LINGO2: variants seen among roughly 807,000 people sequenced by gnomAD.
LINGO2 encodes leucine rich repeat and Ig domain containing 2.
Under a neutral mutation model 30.6 loss-of-function variants are expected in LINGO2, and 14 were observed. The observed-to-expected ratio is 0.46, with a 90% CI of 0.30 to 0.72. The LOEUF is 0.72. Among genes scored for constraint, LINGO2 ranks in the 30% least tolerant of loss-of-function variants. The pLI is 0.07. For synonymous variants in LINGO2, 317 were observed against 288.5 expected, an observed-to-expected ratio of 1.10 and a Z score of -1.00; for missense variants, 729 against 751.7, an observed-to-expected ratio of 0.97 and a Z score of 0.35.
chr9:28,311,032 C>A (rs570632030), intron 3 of LINGO2, among the ~76,000 whole-genome samples: 1 of 152,186 alleles, frequency 6.6e-6, no homozygotes, highest in East Asian at 1.9e-4. Context: ...AGATTCTTTT[C>A]TATTTTCTCT....
At chr9:27,950,144 A>G (rs772593787) in exon 6 of LINGO2, 2 of 1,614,086 alleles carry the variant, frequency 1.2e-6, no homozygotes, top group Non-Finnish European at 1.7e-6. Context: ...CCAAGCTAAG[A>G]AGCCCACTGA....
the LINGO2 span, among the ~76,000 whole-genome samples, chr9:28,866,936 C>G: frequency 7.4e-4 from 112 of 152,276 alleles, no homozygotes; most frequent in African/African-American, 2.4e-3. Flanking sequence ...TTTCTAGATT[C>G]ATCCTTATTT....
At chr9:28,063,251 G>C (rs1454054512) in intron 4 of LINGO2, among the ~76,000 whole-genome samples, 2 of 152,012 alleles carry the variant, frequency 1.3e-5, no homozygotes, top group East Asian at 1.9e-4. Flanking sequence ...TTGCTTTTAA[G>C]CCTTACGAAG....
the LINGO2 span, among the ~76,000 whole-genome samples, chr9:29,146,653 T>A: frequency 6.6e-6 from 1 of 152,178 alleles, no homozygotes; most frequent in Non-Finnish European, 1.5e-5. Flanking sequence ...GAAAGGAATA[T>A]ATTTGTTTAT....
At chr9:28,485,639 C>A (rs1342894600) in intron 1 of LINGO2, among the ~76,000 whole-genome samples, 1 of 152,064 alleles carries the variant, frequency 6.6e-6, no homozygotes, top group Non-Finnish European at 1.5e-5. Flanking sequence ...AAGCATATTT[C>A]TTGATAAAGA....
chr9:28,474,387 T>G (rs1825646427), intron 2 of LINGO2, among the ~76,000 whole-genome samples: 1 of 138,194 alleles, frequency 7.2e-6, no homozygotes, highest in Non-Finnish European at 1.6e-5. Context: ...TCTCAAAGAA[T>G]AAAAAAAGAA....
intron 1 of LINGO2, among the ~76,000 whole-genome samples, chr9:28,550,047 G>A (rs907178553): frequency 6.6e-6 from 1 of 151,784 alleles, no homozygotes; most frequent in African/African-American, 2.4e-5. Context: ...GCTGTTAAAA[G>A]TATCTATCTT....
At chr9:27,947,394 T>A (rs1250813691), downstream of LINGO2, among the ~76,000 whole-genome samples, 1 of 152,014 alleles carries the variant, frequency 6.6e-6, no homozygotes, top group Non-Finnish European at 1.5e-5. Flanking sequence ...GGAAAAAAAA[T>A]CAGCACAACT....
chr9:29,189,297 G>T, the LINGO2 span, among the ~76,000 whole-genome samples: 1 of 151,746 alleles, frequency 6.6e-6, no homozygotes, highest in Non-Finnish European at 1.5e-5. Context: ...CTCCCGGACG[G>T]GGTGGCTGCC....
the LINGO2 span, among the ~76,000 whole-genome samples, chr9:28,978,024 T>G: frequency 6.6e-6 from 1 of 152,150 alleles, no homozygotes; most frequent in Non-Finnish European, 1.5e-5. Context: ...ATTTTATTCA[T>G]TAAGGGATAG....
the LINGO2 span, among the ~76,000 whole-genome samples, chr9:29,090,208 T>G: frequency 6.6e-6 from 1 of 152,080 alleles, no homozygotes; most frequent in South Asian, 2.1e-4. Context: ...CAATGTATTT[T>G]AATGATATTC....
chr9:28,254,547 T>C (rs561282092), intron 4 of LINGO2, among the ~76,000 whole-genome samples: 1 of 152,138 alleles, frequency 6.6e-6, no homozygotes, highest in African/African-American at 2.4e-5. Context: ...TGAAGAAAAA[T>C]CTTATAGTTC....
At chr9:28,753,285 T>G in the LINGO2 span, among the ~76,000 whole-genome samples, 1 of 152,034 alleles carries the variant, frequency 6.6e-6, no homozygotes, top group African/African-American at 2.4e-5. Flanking sequence ...AATCTTCCTT[T>G]GATTTGAAAT....
intron 1 of LINGO2, among the ~76,000 whole-genome samples, chr9:28,514,896 T>G (rs527394490): frequency 2.0e-5 from 3 of 151,592 alleles, no homozygotes; most frequent in African/African-American, 7.3e-5. Context: ...TCCAAAGGCC[T>G]TAAGAATTAT....
intron 1 of LINGO2, among the ~76,000 whole-genome samples, chr9:28,582,654 A>C (rs2135662201): frequency 6.6e-6 from 1 of 152,176 alleles, no homozygotes; most frequent in East Asian, 1.9e-4. Context: ...CCTGCTTCTG[A>C]AAATCCATCA....
rs548387371 is a variant in LINGO2 at position 28,046,331 on chromosome 9, A to G, written c.-86-33926T>C. Among the ~76,000 whole-genome samples the G allele has an allele frequency of 5.3e-4, 80 of 152,292 alleles. 2 individuals carry two copies. In the South Asian group the frequency reaches 0.016, roughly 30 times the overall value. ...AAGTTCTCCAGTCTTAGCCTGTATC[A>G]GAAGCATTTGCATGACTTGTTAAGA... On this transcript the variant is annotated intron_variant, in intron 4 of 5. Transcript: ENST00000379992.
At chr9:28,701,974 C>T in the LINGO2 span, among the ~76,000 whole-genome samples, 4 of 151,740 alleles carry the variant, frequency 2.6e-5, no homozygotes, top group East Asian at 1.9e-4. Context: ...CTTTTGTATC[C>T]GAGAAGCTTG....
intron 4 of LINGO2, among the ~76,000 whole-genome samples, chr9:28,038,892 C>G (rs1406218318): frequency 6.6e-6 from 1 of 152,210 alleles, no homozygotes; most frequent in Admixed American, 6.5e-5. Context: ...ATTCACTTCC[C>G]TCAGACACCA....
intron 1 of LINGO2, among the ~76,000 whole-genome samples, chr9:28,579,968 A>G (rs1288217790): frequency 2.0e-5 from 3 of 152,140 alleles, no homozygotes; most frequent in Non-Finnish European, 1.5e-5. Context: ...GAAGTTGGGC[A>G]GGCTGTCAAC....
Sources: allele counts gnomAD v4.1 joint callset (sites outside exome capture counted in the v4.1 genomes callset), GRCh38; gene constraint gnomAD v4.1.1; transcripts MANE v1.5; gene names NCBI Gene and HGNC (gene_info 2026-07-23, HGNC 2026-07-21).